ADAMTSL1: variants seen among roughly 807,000 people sequenced by gnomAD.
ADAMTSL1 encodes ADAMTS like 1.
Under a neutral mutation model 201.8 loss-of-function variants are expected in ADAMTSL1, and 126 were observed. That is an observed-to-expected ratio of 0.62 (90% CI 0.54 to 0.72). The LOEUF (loss-of-function observed/expected upper bound fraction) is 0.72, where lower values mean the gene tolerates loss of function less well. Among genes scored for constraint, ADAMTSL1 ranks in the 30% least tolerant of loss-of-function variants. ADAMTSL1 has a pLI of 0.00. For synonymous variants in ADAMTSL1, 1,121 were observed against 903.4 expected (o/e 1.24, Z -4.32); for missense variants, 2,679 against 2,277.8 (o/e 1.18, Z -3.59).
chr9:18,061,016 T>A (rs995873638), intron 1 of ADAMTSL1, among the ~76,000 whole-genome samples: 1 of 152,194 alleles, frequency 6.6e-6, no homozygotes, highest in African/African-American at 2.4e-5. Flanking sequence ...ATGGCAGTTT[T>A]CTGCGACTCA....
intron 1 of ADAMTSL1, among the ~76,000 whole-genome samples, chr9:18,033,157 C>T (rs1375857603): frequency 1.3e-5 from 2 of 152,156 alleles, no homozygotes; most frequent in East Asian, 3.8e-4. Context: ...CTTCATTCTT[C>T]ATTTAATGTC....
intron 14 of ADAMTSL1, among the ~76,000 whole-genome samples, chr9:18,719,221 C>T (rs1393933246): frequency 6.6e-6 from 1 of 152,170 alleles, no homozygotes; most frequent in Non-Finnish European, 1.5e-5. Flanking sequence ...TCAAATGCTC[C>T]ACCCTGAACT....
intron 5 of ADAMTSL1, among the ~76,000 whole-genome samples, chr9:18,631,427 C>T (rs765999893): frequency 1.3e-5 from 2 of 152,144 alleles, no homozygotes; most frequent in Non-Finnish European, 1.5e-5. Flanking sequence ...ACCATTTAAA[C>T]CTCCTCAAGA....
chr9:18,626,547 A>G (rs1053402488), intron 5 of ADAMTSL1, among the ~76,000 whole-genome samples: 2 of 152,240 alleles, frequency 1.3e-5, no homozygotes, highest in Non-Finnish European at 2.9e-5. Context: ...CAAAAAGGCT[A>G]GAGAAAATGA....
At chr9:17,929,099 G>A (rs913460898) in intron 1 of ADAMTSL1, among the ~76,000 whole-genome samples, 5 of 152,018 alleles carry the variant, frequency 3.3e-5, no homozygotes, top group Admixed American at 6.6e-5. Flanking sequence ...ATTTTAAAAC[G>A]ATGAAGAATA....
At chr9:18,572,440 A>G (rs1467582621) in intron 3 of ADAMTSL1, among the ~76,000 whole-genome samples, 1 of 152,172 alleles carries the variant, frequency 6.6e-6, no homozygotes, top group Non-Finnish European at 1.5e-5. Flanking sequence ...TTTTCAGACA[A>G]TATTCAAAAT....
At chr9:18,037,940 T>TTTCTG (rs1554683873) in intron 1 of ADAMTSL1, among the ~76,000 whole-genome samples, 1 of 120,946 alleles carries the variant, frequency 8.3e-6, no homozygotes, top group Non-Finnish European at 1.9e-5. Flanking sequence ...CTTTTGGATT[T>TTTCTG]GTCTGGTCTG....
intron 1 of ADAMTSL1, among the ~76,000 whole-genome samples, chr9:17,954,457 A>G (rs1232395815): frequency 6.6e-6 from 1 of 152,194 alleles, no homozygotes; most frequent in African/African-American, 2.4e-5. Context: ...GGGATATTAG[A>G]TAGACTTCTA....
At chr9:18,592,223 C>T (rs1310782052) in intron 4 of ADAMTSL1, among the ~76,000 whole-genome samples, 1 of 152,072 alleles carries the variant, frequency 6.6e-6, no homozygotes, top group Non-Finnish European at 1.5e-5. Flanking sequence ...TGCTTTGGAT[C>T]ATCTCTTGGT....
chr9:18,185,671 T>TA (rs1193053358), intron 2 of ADAMTSL1, among the ~76,000 whole-genome samples: 2 of 152,006 alleles, frequency 1.3e-5, no homozygotes, highest in African/African-American at 2.4e-5. Flanking sequence ...GAGAAATTAT[T>TA]AAAAAAACAC....
intron 26 of ADAMTSL1, among the ~76,000 whole-genome samples, chr9:18,903,024 G>A (rs1312284442): frequency 1.3e-5 from 2 of 152,066 alleles, no homozygotes; most frequent in Non-Finnish European, 2.9e-5. Context: ...GGCCAACATG[G>A]CAAAACCCCA....
intron 26 of ADAMTSL1, among the ~76,000 whole-genome samples, chr9:18,899,462 G>C (rs1360893891): frequency 1.3e-5 from 2 of 152,198 alleles, no homozygotes; most frequent in African/African-American, 4.8e-5. Context: ...AAATTCATAT[G>C]AAACTGAAAA....
intron 4 of ADAMTSL1, among the ~76,000 whole-genome samples, chr9:18,613,989 T>G (rs190464764): frequency 4.6e-4 from 70 of 152,308 alleles, no homozygotes; most frequent in Admixed American, 1.3e-3. Flanking sequence ...AACGAAGACT[T>G]CAAAGAGTCA....
At chr9:18,411,543 A>G (rs56817237) in intron 2 of ADAMTSL1, among the ~76,000 whole-genome samples, 25,097 of 152,156 alleles carry the variant, frequency 0.16, 2,239 homozygotes, top group South Asian at 0.26. Flanking sequence ...AATTTTTTCA[A>G]TCAGTTCAAA....
intron 2 of ADAMTSL1, among the ~76,000 whole-genome samples, chr9:18,401,855 G>A (rs1817999755): frequency 6.6e-6 from 1 of 152,138 alleles, no homozygotes; most frequent in South Asian, 2.1e-4. Flanking sequence ...GGAAGCTGTG[G>A]GAGGACCGTT....
chr9:18,541,339 G>A (rs181335454), intron 3 of ADAMTSL1, among the ~76,000 whole-genome samples: 51 of 152,182 alleles, frequency 3.4e-4, no homozygotes, highest in Admixed American at 2.7e-3. Context: ...GTGAAACACC[G>A]TCTCTACTAA....
intron 17 of ADAMTSL1, among the ~76,000 whole-genome samples, chr9:18,774,105 G>C (rs1035184010): frequency 2.0e-5 from 3 of 152,060 alleles, no homozygotes; most frequent in African/African-American, 7.2e-5. Flanking sequence ...AAGTTAACGT[G>C]GCACACTCCC....
upstream of ADAMTSL1, among the ~76,000 whole-genome samples, chr9:18,472,309 A>T (rs1047730921): frequency 5.9e-5 from 9 of 152,226 alleles, no homozygotes; most frequent in African/African-American, 1.7e-4. Flanking sequence ...AAGCATTTTT[A>T]CATCTACTTG....
Position 18,662,048 on chromosome 9 carries a change from T to C in ADAMTSL1, c.1060T>C (p.Cys354Arg). The change falls in exon 9 of 29, where the codon TGC becomes CGC. Residue 354 changes from cysteine (C) to arginine (R), a missense_variant. Coordinates refer to ENST00000380548, the MANE Select transcript of ADAMTSL1 (RefSeq NM_001040272.6). ...CAAACCCAAACCCAAGCTTCAGGAG[T>C]GCAACTTGGATCCTTGTCCAGCCAG... Reference protein sequence around the residue: ...NIKPKPKLQECNLDPCPASDG... With the variant: ...NIKPKPKLQERNLDPCPASDG... 6.2e-7 allele frequency: 1 copy of C among 1,613,808 alleles called. No individual in the cohort carries two copies. Among genetic ancestry groups the C allele is most frequent in the Non-Finnish European group, 8.5e-7 (1 of 1,179,836 alleles).
Sources: allele counts gnomAD v4.1 joint callset (sites outside exome capture counted in the v4.1 genomes callset), GRCh38; gene constraint gnomAD v4.1.1; transcripts MANE v1.5; gene names NCBI Gene and HGNC (gene_info 2026-07-23, HGNC 2026-07-21).